The following ERC2 variants were observed in gnomAD, a reference collection of about 807,000 sequenced individuals.
ERC2 encodes ERC protein 2.
Under a neutral mutation model 114.8 loss-of-function variants are expected in ERC2, and 42 were observed. The observed-to-expected ratio is 0.37, with a 90% CI of 0.29 to 0.47. ERC2 has a LOEUF of 0.47. ERC2 is among the 20% of genes least tolerant of loss of function. The probability of loss-of-function intolerance (pLI) is 0.99; values close to 1 mark genes in which losing one functional copy is unlikely to be tolerated. For synonymous variants in ERC2, 454 were observed against 425.5 expected (o/e 1.07, Z -0.82); for missense variants, 939 against 1,150.7 (o/e 0.82, Z 2.66).
intron 15 of ERC2, among the ~76,000 whole-genome samples, chr3:55,726,046 C>A (rs928001455): frequency 6.6e-6 from 1 of 152,146 alleles, no homozygotes; most frequent in Non-Finnish European, 1.5e-5. Flanking sequence ...CTGAGTATTT[C>A]TTTTTTTATT....
chr3:56,261,938 C>T (rs1159283946), intron 3 of ERC2, among the ~76,000 whole-genome samples: 1 of 152,072 alleles, frequency 6.6e-6, no homozygotes, highest in African/African-American at 2.4e-5. Context: ...CATTTAGTTC[C>T]GACTTACAAG....
At chr3:55,956,783 C>T (rs186697841) in intron 12 of ERC2, among the ~76,000 whole-genome samples, 2 of 152,252 alleles carry the variant, frequency 1.3e-5, no homozygotes, top group East Asian at 3.9e-4. Flanking sequence ...TGCATAAGTC[C>T]TTGTCCAAGC....
At chr3:56,441,261 C>A (rs1489925604) in intron 1 of ERC2, among the ~76,000 whole-genome samples, 1 of 152,200 alleles carries the variant, frequency 6.6e-6, no homozygotes, top group East Asian at 1.9e-4. Context: ...CACCAAAACA[C>A]CAATCCAGTG....
chr3:55,930,084 T>G (rs1005673509), intron 13 of ERC2, among the ~76,000 whole-genome samples: 6 of 151,760 alleles, frequency 4.0e-5, no homozygotes, highest in Admixed American at 3.9e-4. Flanking sequence ...ACAAAAAATA[T>G]AAAAATTAGC....
intron 2 of ERC2, among the ~76,000 whole-genome samples, chr3:56,316,404 T>G (rs1337032051): frequency 6.6e-6 from 1 of 152,194 alleles, no homozygotes; most frequent in Admixed American, 6.5e-5. Flanking sequence ...ACCTTTTAAG[T>G]GGACAGAAAA....
chr3:55,726,923 TA>T (rs2064959559), intron 15 of ERC2, among the ~76,000 whole-genome samples: 1 of 152,174 alleles, frequency 6.6e-6, no homozygotes, highest in Admixed American at 6.5e-5. Context: ...AAAAATAGTC[TA>T]ACTAGTTCTG....
rs534554763 is a variant in ERC2, at chr3:55,703,925, T to C, written c.2713-4413A>G. On this transcript the variant is annotated intron_variant, in intron 15 of 17. Transcript: ENST00000288221. The stretch of plus-strand genomic sequence containing the variant: ...AAGAAATATGCCATTCCTTAGCTAA[T>C]TGGACCCAGTGCAATACTCTACCAC... Among the ~76,000 whole-genome samples, 456 of 152,328 alleles carry C rather than the reference T, an allele frequency of 3.0e-3. 1 individual carries two copies. The highest frequency in any genetic ancestry group is 4.4e-3 in the Non-Finnish European group (296 of 68,032).
At chr3:56,210,082 G>A (rs1346086363) in intron 3 of ERC2, among the ~76,000 whole-genome samples, 2 of 152,076 alleles carry the variant, frequency 1.3e-5, no homozygotes, top group East Asian at 3.9e-4. Flanking sequence ...AAATTAAATT[G>A]CAAGTAAAAC....
At chr3:55,887,786 A>G (rs993217366) in intron 14 of ERC2, among the ~76,000 whole-genome samples, 190 of 152,288 alleles carry the variant, frequency 1.2e-3, no homozygotes, top group African/African-American at 4.3e-3. Context: ...AAAGGAAGCA[A>G]TTGGTTCCAA....
intron 3 of ERC2, among the ~76,000 whole-genome samples, chr3:56,232,529 C>T (rs755842345): frequency 8.5e-5 from 13 of 152,064 alleles, no homozygotes; most frequent in Non-Finnish European, 1.9e-4. Context: ...TCCAGGTCTA[C>T]GCATGATTAT....
At chr3:55,780,951 T>C (rs2068988320) in intron 14 of ERC2, among the ~76,000 whole-genome samples, 1 of 152,202 alleles carries the variant, frequency 6.6e-6, no homozygotes. Flanking sequence ...ACATCACTGT[T>C]TATTAAAACG....
At chr3:55,885,565 C>T (rs936729054) in intron 14 of ERC2, among the ~76,000 whole-genome samples, 1 of 152,148 alleles carries the variant, frequency 6.6e-6, no homozygotes, top group Non-Finnish European at 1.5e-5. Flanking sequence ...AGATTAAGCA[C>T]TTCAGCAATA....
At chr3:56,093,129 C>T (rs889025746) in intron 6 of ERC2, among the ~76,000 whole-genome samples, 2 of 152,136 alleles carry the variant, frequency 1.3e-5, no homozygotes, top group African/African-American at 4.8e-5. Context: ...TCGTGTCTCT[C>T]AAATACTCCT....
At chr3:56,100,984 GA>G (rs546255121) in intron 6 of ERC2, among the ~76,000 whole-genome samples, 4 of 151,748 alleles carry the variant, frequency 2.6e-5, no homozygotes, top group African/African-American at 9.7e-5. Flanking sequence ...AATTAAGGAG[GA>G]AAAAAAATCA....
rs146507610 is a variant in ERC2 at position 55,648,682 on chromosome 3, C to T, written c.*39+35112G>A. Among the ~76,000 whole-genome samples the T allele has an allele frequency of 2.1e-3, 313 of 152,258 alleles. 1 individual carries two copies. The highest frequency in any genetic ancestry group is 3.0e-3 in the Non-Finnish European group (203 of 68,014). ...GCAAAGAAAGCCCCATGGAGAAAGA[C>T]CATCAGATCCAGAGTCTGTCTATTA... On this transcript the variant is annotated intron_variant, in intron 17 of 17. Transcript: ENST00000288221.
intron 2 of ERC2, among the ~76,000 whole-genome samples, chr3:56,338,565 C>T (rs2057956477): frequency 6.6e-6 from 1 of 152,084 alleles, no homozygotes; most frequent in African/African-American, 2.4e-5. Flanking sequence ...CCAGGGTCAG[C>T]CCCTGTCTTT....
chr3:55,888,004 A>G (rs1420279143), intron 14 of ERC2, among the ~76,000 whole-genome samples: 4 of 152,248 alleles, frequency 2.6e-5, no homozygotes, highest in Non-Finnish European at 4.4e-5. Flanking sequence ...TACAGTCACA[A>G]TTAGGAAATA....
chr3:55,684,479 C>A (rs1434892199), intron 16 of ERC2, among the ~76,000 whole-genome samples: 2 of 151,920 alleles, frequency 1.3e-5, no homozygotes, highest in Non-Finnish European at 2.9e-5. Flanking sequence ...GATGCACTGG[C>A]GATGGTATGA....
intron 15 of ERC2, among the ~76,000 whole-genome samples, chr3:55,722,455 G>A (rs2148889633): frequency 6.6e-6 from 1 of 152,108 alleles, no homozygotes; most frequent in East Asian, 1.9e-4. Context: ...TCCCGGGCAG[G>A]GTATCTGTGG....
Sources: allele counts gnomAD v4.1 joint callset (sites outside exome capture counted in the v4.1 genomes callset), GRCh38; gene constraint gnomAD v4.1.1; transcripts MANE v1.5; gene names NCBI Gene and HGNC (gene_info 2026-07-23, HGNC 2026-07-21).